NRG1: variants seen among roughly 807,000 people sequenced by gnomAD.
The protein encoded by NRG1 is pro-neuregulin-1, membrane-bound isoform.
A neutral mutation model predicts 63.8 loss-of-function variants in NRG1; 18 were observed. The observed-to-expected ratio is 0.28, with a 90% CI of 0.19 to 0.42. NRG1 has a LOEUF of 0.42. NRG1 is among the 10% of genes least tolerant of loss of function. NRG1 has a pLI of 1.00. For missense variants in NRG1, 762 were observed against 814.7 expected, an observed-to-expected ratio of 0.94 and a Z score of 0.79; for synonymous variants, 302 against 301.3, an observed-to-expected ratio of 1.00 and a Z score of -0.02.
rs555542557 is a variant in NRG1 at position 31,870,424 on chromosome 8, G to A, written c.37+230993G>A. Among the ~76,000 whole-genome samples, 19 of 152,092 alleles carry A rather than the reference G, an allele frequency of 1.2e-4. 1 individual carries two copies. The highest frequency in any genetic ancestry group is 8.3e-4 in the South Asian group (4 of 4,826). ...TGGAGGAGTTTAAAAATGAGTGAGT[G>A]TTCAAGATAACTTAGAAGGAAAGAT... On this transcript the variant is annotated intron_variant, in intron 1 of 10. Coordinates refer to the NRG1 transcript ENST00000519301.
intron 1 of NRG1, among the ~76,000 whole-genome samples, chr8:31,757,003 T>C (rs1006311274): frequency 6.6e-6 from 1 of 152,166 alleles, no homozygotes; most frequent in African/African-American, 2.4e-5. Flanking sequence ...GTGATCCGCA[T>C]TCAATATCAC....
intron 1 of NRG1, among the ~76,000 whole-genome samples, chr8:31,894,702 C>A (rs1831432990): frequency 1.3e-5 from 2 of 152,080 alleles, no homozygotes; most frequent in Non-Finnish European, 2.9e-5. Flanking sequence ...AGGTGCCCAC[C>A]ACCACGCCCG....
At chr8:31,949,367 C>T (rs563835573) in intron 1 of NRG1, among the ~76,000 whole-genome samples, 1 of 152,332 alleles carries the variant, frequency 6.6e-6, no homozygotes, top group East Asian at 1.9e-4. Context: ...CTGCCTTTAT[C>T]ATCTCTACTT....
intron 1 of NRG1, among the ~76,000 whole-genome samples, chr8:31,811,525 T>C (rs1200525631): frequency 6.6e-6 from 1 of 152,216 alleles, no homozygotes; most frequent in African/African-American, 2.4e-5. Flanking sequence ...CAGATATATA[T>C]GACTTAAATT....
chr8:31,676,100 G>T (rs938222561), intron 1 of NRG1, among the ~76,000 whole-genome samples: 1 of 152,074 alleles, frequency 6.6e-6, no homozygotes, highest in Non-Finnish European at 1.5e-5. Flanking sequence ...ATTGTAATGT[G>T]TAATGTTGCA....
intron 1 of NRG1, among the ~76,000 whole-genome samples, chr8:32,205,200 T>G (rs1246764309): frequency 6.6e-6 from 1 of 152,208 alleles, no homozygotes; most frequent in Admixed American, 6.5e-5. Context: ...AAAGTCTTTT[T>G]AATTTGGATG....
At chr8:31,979,762 T>G (rs952551758) in intron 1 of NRG1, among the ~76,000 whole-genome samples, 8 of 152,088 alleles carry the variant, frequency 5.3e-5, no homozygotes, top group Non-Finnish European at 8.8e-5. Context: ...AATATTATAT[T>G]ACAGTAAAAC....
chr8:32,245,998 T>A (rs1245786419), intron 1 of NRG1, among the ~76,000 whole-genome samples: 1 of 152,080 alleles, frequency 6.6e-6, no homozygotes, highest in African/African-American at 2.4e-5. Flanking sequence ...ATCAGGCTGA[T>A]TTTCCCAAGA....
chr8:32,003,912 G>A (rs549911815), intron 1 of NRG1, among the ~76,000 whole-genome samples: 21 of 151,604 alleles, frequency 1.4e-4, no homozygotes, highest in Non-Finnish European at 2.4e-4. Context: ...TTAAACCTGG[G>A]AATTTATATT....
At chr8:32,499,475 G>C (rs997799442) in intron 1 of NRG1, among the ~76,000 whole-genome samples, 1 of 151,994 alleles carries the variant, frequency 6.6e-6, no homozygotes, top group African/African-American at 2.4e-5. Flanking sequence ...TCGAGGCCAG[G>C]AGTTCAAGAT....
chr8:32,269,449 G>C (rs1351671851), intron 1 of NRG1, among the ~76,000 whole-genome samples: 1 of 152,076 alleles, frequency 6.6e-6, no homozygotes, highest in Non-Finnish European at 1.5e-5. Context: ...TAACCTATTG[G>C]TGACGTCTTT....
intron 1 of NRG1, among the ~76,000 whole-genome samples, chr8:32,135,518 A>G (rs990419432): frequency 6.6e-5 from 10 of 152,070 alleles, no homozygotes; most frequent in Non-Finnish European, 1.2e-4. Flanking sequence ...CAAAGGAAAT[A>G]CAGAATTAAA....
intron 1 of NRG1, among the ~76,000 whole-genome samples, chr8:32,390,615 A>G (rs1269722280): frequency 6.6e-6 from 1 of 151,406 alleles, no homozygotes. Context: ...AAAAAAAAAA[A>G]AAAAGAAGAA....
chr8:31,956,793 T>G (rs1804512979), intron 1 of NRG1, among the ~76,000 whole-genome samples: 1 of 152,204 alleles, frequency 6.6e-6, no homozygotes, highest in African/African-American at 2.4e-5. Context: ...TTCTATGACA[T>G]TGGTTGTGTG....
intron 1 of NRG1, among the ~76,000 whole-genome samples, chr8:32,092,648 G>C (rs975783415): frequency 6.6e-6 from 1 of 152,018 alleles, no homozygotes; most frequent in Non-Finnish European, 1.5e-5. Flanking sequence ...TCTGGGAGTT[G>C]TAATTTTTCA....
intron 1 of NRG1, among the ~76,000 whole-genome samples, chr8:32,174,451 A>G (rs907217960): frequency 2.6e-5 from 4 of 152,208 alleles, no homozygotes; most frequent in African/African-American, 9.6e-5. Context: ...AACACATTCA[A>G]AAGCTAGCAG....
intron 5 of NRG1, among the ~76,000 whole-genome samples, chr8:32,628,613 T>C (rs1042265868): frequency 6.6e-6 from 1 of 152,002 alleles, no homozygotes; most frequent in African/African-American, 2.4e-5. Context: ...GATTTTACAG[T>C]GCCTGTAAAG....
At chr8:31,843,792 T>A (rs1281233786) in intron 1 of NRG1, among the ~76,000 whole-genome samples, 5 of 152,228 alleles carry the variant, frequency 3.3e-5, no homozygotes, top group Non-Finnish European at 5.9e-5. Context: ...AAACTTCTAC[T>A]ACCACTTGAT....
intron 1 of NRG1, among the ~76,000 whole-genome samples, chr8:31,832,418 C>A (rs1481875507): frequency 1.3e-5 from 2 of 151,988 alleles, no homozygotes; most frequent in Non-Finnish European, 2.9e-5. Flanking sequence ...TGCCACTATG[C>A]CCAGTAAATT....
Sources: allele counts gnomAD v4.1 joint callset (sites outside exome capture counted in the v4.1 genomes callset), GRCh38; gene constraint gnomAD v4.1.1; transcripts MANE v1.5; gene names NCBI Gene and HGNC (gene_info 2026-07-23, HGNC 2026-07-21).